Variants in ARHGAP12 observed in about 807,000 individuals in gnomAD.
ARHGAP12 encodes the protein rho GTPase-activating protein 12.
ARHGAP12 carries 64 observed loss-of-function variants against 108.6 expected under a neutral mutation model. The observed-to-expected ratio is 0.59, with a 90% CI of 0.48 to 0.73. The LOEUF (loss-of-function observed/expected upper bound fraction) is 0.73, where lower values mean the gene tolerates loss of function less well. Among genes scored for constraint, ARHGAP12 ranks in the 30% least tolerant of loss-of-function variants. The probability of loss-of-function intolerance (pLI) is 0.00; values close to 1 mark genes in which losing one functional copy is unlikely to be tolerated. For synonymous variants in ARHGAP12, 312 were observed against 337.2 expected (o/e 0.93, Z 0.82); for missense variants, 940 against 1,005.9 (o/e 0.93, Z 0.89).
At chr10:31,917,757 C>CA (rs1839623015) in intron 1 of ARHGAP12, among the ~76,000 whole-genome samples, 1 of 151,864 alleles carries the variant, frequency 6.6e-6, no homozygotes, top group Non-Finnish European at 1.5e-5. Context: ...GTAACTCACC[C>CA]AAAAAAAGGA....
chr10:31,840,838 C>T (rs1836236890), intron 7 of ARHGAP12, among the ~76,000 whole-genome samples: 1 of 152,056 alleles, frequency 6.6e-6, no homozygotes, highest in African/African-American at 2.4e-5. Context: ...GTTTATAAAT[C>T]AAACAAGGTA....
chr10:31,806,262 A>G lies in ARHGAP12; in HGVS notation c.*1396T>C, dbSNP rs939330386. On this transcript the variant is annotated 3_prime_UTR_variant, in exon 20 of 20. Transcript: ENST00000344936. ...ATAACAGTATGCCAGTAAATGAAAAAACAAAAAAATTAGAAACCAAAATGC... is the reference window on the plus strand; with the variant it reads ...ATAACAGTATGCCAGTAAATGAAAAGACAAAAAAATTAGAAACCAAAATGC... The G allele has an allele frequency of 6.6e-6, 1 of 152,422 alleles. No individual in the cohort carries two copies. The highest frequency in any genetic ancestry group is 2.1e-4 in the South Asian group (1 of 4,830). 9.4% of individuals were successfully genotyped at this position (152,422 alleles called of 1,614,324 possible).
intron 3 of ARHGAP12, among the ~76,000 whole-genome samples, chr10:31,880,897 C>CAA (rs139344366): frequency 1.5e-5 from 2 of 133,936 alleles, no homozygotes; most frequent in Non-Finnish European, 3.3e-5. Context: ...TTGACTCTAC[C>CAA]AAAAAAAAAA....
chr10:31,922,301 C>T (rs184225047), intron 1 of ARHGAP12, among the ~76,000 whole-genome samples: 2 of 150,636 alleles, frequency 1.3e-5, no homozygotes, highest in Admixed American at 1.3e-4. Flanking sequence ...AAAAGGTAAC[C>T]AGAGACATAA....
chr10:31,892,174 C>T (rs1307146403), intron 3 of ARHGAP12, among the ~76,000 whole-genome samples: 1 of 152,114 alleles, frequency 6.6e-6, no homozygotes, highest in African/African-American at 2.4e-5. Flanking sequence ...TTATAAAGAC[C>T]ATCGAGGCTA....
intron 13 of ARHGAP12, among the ~76,000 whole-genome samples, chr10:31,817,017 C>T (rs1835227903): frequency 6.6e-6 from 1 of 151,938 alleles, no homozygotes; most frequent in Admixed American, 6.6e-5. Flanking sequence ...AGCCATGTCC[C>T]CATATGGTGA....
At chr10:31,869,307 C>A (rs1592313939) in intron 3 of ARHGAP12, among the ~76,000 whole-genome samples, 1 of 152,308 alleles carries the variant, frequency 6.6e-6, no homozygotes, top group East Asian at 1.9e-4. Flanking sequence ...GAAGCTGAAG[C>A]AGGAGGATCA....
intron 6 of ARHGAP12, among the ~76,000 whole-genome samples, chr10:31,849,693 G>A (rs946235746): frequency 2.0e-5 from 3 of 152,124 alleles, no homozygotes; most frequent in Non-Finnish European, 4.4e-5. Flanking sequence ...TTAATTGAGA[G>A]TTAAACTGTG....
chr10:31,829,057 C>G lies in ARHGAP12; in HGVS notation c.1449-2672G>C, dbSNP rs570324978. Among the ~76,000 whole-genome samples, 17 of 152,190 alleles carry G rather than the reference C, an allele frequency of 1.1e-4. No individual in the cohort carries two copies. The South Asian group carries it at 2.9e-3, about 26-fold the overall frequency. On this transcript the variant is annotated intron_variant, in intron 10 of 19. Coordinates refer to ENST00000344936, the MANE Select transcript of ARHGAP12 (RefSeq NM_018287.7). ...ATCCCAGCTACTTGGGAGGCTGAGG[C>G]AGGAGAATTGCTTGAATCTGGGAGG...
At chr10:31,862,830 C>A (rs1242835061) in intron 3 of ARHGAP12, among the ~76,000 whole-genome samples, 2 of 152,034 alleles carry the variant, frequency 1.3e-5, no homozygotes, top group African/African-American at 4.8e-5. Context: ...AGTTGAGGAA[C>A]CACTGCTTTT....
chr10:31,877,908 G>A (rs1167342336), intron 3 of ARHGAP12, among the ~76,000 whole-genome samples: 2 of 152,040 alleles, frequency 1.3e-5, no homozygotes, highest in Non-Finnish European at 2.9e-5. Context: ...CCTGGGGAAC[G>A]TGGAGAAACC....
At chr10:31,907,633 TAAA>T (rs201334534) in intron 3 of ARHGAP12, among the ~76,000 whole-genome samples, 16 of 127,640 alleles carry the variant, frequency 1.3e-4, no homozygotes, top group Admixed American at 2.4e-4. Flanking sequence ...GACCTTGTCT[TAAA>T]AAAAAAAAAA....
chr10:31,843,612 C>CA (rs752139287), intron 6 of ARHGAP12, 26 bp from the exon 7 acceptor site: 81 of 1,563,434 alleles, frequency 5.2e-5, no homozygotes, highest in Middle Eastern at 1.7e-4. Context: ...GCAAAAAACA[C>CA]AAAAAACAGT....
At chr10:31,816,495 A>G (rs1835210889) in intron 13 of ARHGAP12, among the ~76,000 whole-genome samples, 1 of 152,178 alleles carries the variant, frequency 6.6e-6, no homozygotes, top group African/African-American at 2.4e-5. Flanking sequence ...TATGTCCCCA[A>G]TGCATAAGGC....
At chr10:31,928,227 A>G (rs952987626) in intron 1 of ARHGAP12, among the ~76,000 whole-genome samples, 15 of 150,706 alleles carry the variant, frequency 1.0e-4, no homozygotes, top group Admixed American at 4.0e-4. Context: ...ACGCGCGCGC[A>G]CACACCCGCC....
At chr10:31,828,168 C>T (rs1160159797) in intron 10 of ARHGAP12, among the ~76,000 whole-genome samples, 1 of 151,342 alleles carries the variant, frequency 6.6e-6, no homozygotes, top group Non-Finnish European at 1.5e-5. Flanking sequence ...AACTTTGCTA[C>T]TGATATCCCT....
intron 3 of ARHGAP12, among the ~76,000 whole-genome samples, chr10:31,876,772 G>C (rs1192271107): frequency 6.6e-6 from 1 of 152,132 alleles, no homozygotes; most frequent in African/African-American, 2.4e-5. Context: ...AATTCACCTA[G>C]TAGGTATATT....
intron 14 of ARHGAP12, among the ~76,000 whole-genome samples, chr10:31,813,144 A>C (rs1835080458): frequency 6.6e-6 from 1 of 152,158 alleles, no homozygotes; most frequent in African/African-American, 2.4e-5. Flanking sequence ...TTAACTACTT[A>C]TCTTTATTGA....
At position 31,808,646 on chromosome 10, in the gene ARHGAP12, T is replaced by C. The variant is rs780140801; in HGVS notation, c.2366+3A>G. 9 of 1,613,136 alleles carry C rather than the reference T, an allele frequency of 5.6e-6. No homozygotes were observed. The highest frequency in any genetic ancestry group is 7.6e-6 in the Non-Finnish European group (9 of 1,179,276). ...ACATCCCATGACTGGGCAGTCCTCC[T>C]ACCTTCTGAGATGTCGGAAAAGAAT... is the stretch of plus-strand genomic sequence containing the variant. On this transcript the variant is annotated splice_donor_region_variant and intron_variant, in intron 19 of 19. Coordinates refer to ENST00000344936, the MANE Select transcript of ARHGAP12 (RefSeq NM_018287.7).
Sources: gnomAD v4.1 joint callset for allele counts (sites outside exome capture counted in the v4.1 genomes callset) on GRCh38, gnomAD v4.1.1 for gene constraint, MANE v1.5 for transcripts, NCBI Gene and HGNC (gene_info 2026-07-23, HGNC 2026-07-21) for gene names.